GLIS3: variants seen among roughly 807,000 people sequenced by gnomAD.
GLIS3 encodes GLIS family zinc finger 3.
In GLIS3, 53 loss-of-function variants were observed where a neutral mutation model predicts 78.6. That is an observed-to-expected ratio of 0.67 (90% CI 0.54 to 0.85). GLIS3 has a LOEUF of 0.85. Among genes scored for constraint, GLIS3 ranks in the 40% least tolerant of loss-of-function variants. GLIS3 has a pLI of 0.00. For synonymous variants in GLIS3, 684 were observed against 509.9 expected, an observed-to-expected ratio of 1.34 and a Z score of -4.60; for missense variants, 1,703 against 1,231.1, an observed-to-expected ratio of 1.38 and a Z score of -5.74.
chr9:4,410,351 C>G, the GLIS3 span, among the ~76,000 whole-genome samples: 2 of 152,068 alleles, frequency 1.3e-5, no homozygotes, highest in South Asian at 2.1e-4. Flanking sequence ...GTTGTTTTTT[C>G]TCTTTAGCAT....
Position 4,286,181 on chromosome 9 carries a change from G to A in GLIS3, c.245C>T (p.Pro82Leu), listed in dbSNP as rs1411928752. ...CATTTGTCTCCTGGGGCTTAAGGCA[G>A]GCAGATGGATGCGGCTCTCAGCCAC... ...NNVAESRIHL[P>L]ALSPRRQMLT... Residue 82 changes from proline (P) to leucine (L), a missense_variant, in exon 2 of 11, where the codon CCT becomes CTT. Coordinates refer to ENST00000381971, the MANE Select transcript of GLIS3 (RefSeq NM_001042413.2). 2 of 1,614,120 alleles carry A rather than the reference G, an allele frequency of 1.2e-6. No homozygotes were observed. The highest frequency in any genetic ancestry group is 2.2e-5 in the East Asian group (1 of 44,892).
intron 9 of GLIS3, among the ~76,000 whole-genome samples, chr9:3,837,131 C>G (rs1588055927): frequency 6.6e-6 from 1 of 152,226 alleles, no homozygotes; most frequent in South Asian, 2.1e-4. Context: ...ACCAAAGGCA[C>G]TGACCTACGA....
At chr9:4,312,890 GT>G (rs1314167599) in intron 2 of GLIS3, among the ~76,000 whole-genome samples, 3 of 152,174 alleles carry the variant, frequency 2.0e-5, no homozygotes, top group South Asian at 4.1e-4. Context: ...ACATATATTA[GT>G]TCATTTAATC....
upstream of GLIS3, among the ~76,000 whole-genome samples, chr9:4,352,746 T>C (rs764089776): frequency 6.6e-6 from 1 of 152,256 alleles, no homozygotes; most frequent in Non-Finnish European, 1.5e-5. Context: ...TGCTGGCTCT[T>C]GGCAACAATA....
intron 7 of GLIS3, among the ~76,000 whole-genome samples, chr9:3,896,246 AT>A (rs909687896): frequency 6.6e-6 from 1 of 152,084 alleles, no homozygotes; most frequent in Non-Finnish European, 1.5e-5. Flanking sequence ...TTGTTTTGTA[AT>A]TTTTTCCCCT....
chr9:4,400,856 T>C, the GLIS3 span, among the ~76,000 whole-genome samples: 2 of 152,160 alleles, frequency 1.3e-5, no homozygotes, highest in Non-Finnish European at 2.9e-5. Context: ...GACTCAGTCT[T>C]GACAGGATTC....
At chr9:4,399,009 T>A in the GLIS3 span, among the ~76,000 whole-genome samples, 9 of 152,324 alleles carry the variant, frequency 5.9e-5, no homozygotes, top group Admixed American at 3.3e-4. Context: ...TAGATTCCTT[T>A]GTTTTCTGCT....
At chr9:4,261,114 G>C (rs1454302438) in intron 2 of GLIS3, among the ~76,000 whole-genome samples, 1 of 152,170 alleles carries the variant, frequency 6.6e-6, no homozygotes, top group South Asian at 2.1e-4. Context: ...TGGCGTTCCA[G>C]AAAACTGACT....
chr9:3,866,622 C>T (rs1239591715), intron 8 of GLIS3, among the ~76,000 whole-genome samples: 2 of 152,060 alleles, frequency 1.3e-5, no homozygotes, highest in African/African-American at 4.8e-5. Context: ...GTGCAGAGTC[C>T]CCAAGGCAAG....
the GLIS3 span, among the ~76,000 whole-genome samples, chr9:4,439,392 G>C: frequency 6.6e-6 from 1 of 152,090 alleles, no homozygotes; most frequent in African/African-American, 2.4e-5. Flanking sequence ...ACAACCATTA[G>C]CAGTAATTTC....
the GLIS3 span, among the ~76,000 whole-genome samples, chr9:4,389,735 A>G: frequency 1.3e-5 from 2 of 152,248 alleles, no homozygotes; most frequent in East Asian, 1.9e-4. Context: ...GGCACCGCAT[A>G]CAGACATACA....
At chr9:4,141,996 C>G (rs1337859458) in intron 2 of GLIS3, among the ~76,000 whole-genome samples, 1 of 152,216 alleles carries the variant, frequency 6.6e-6, no homozygotes, top group Non-Finnish European at 1.5e-5. Flanking sequence ...ACTTTCATCT[C>G]TGCACCTTGT....
At chr9:3,933,444 C>T (rs1825732956) in intron 5 of GLIS3, among the ~76,000 whole-genome samples, 1 of 152,184 alleles carries the variant, frequency 6.6e-6, no homozygotes. Context: ...TGTTATGACC[C>T]TTAAACTTAT....
At chr9:4,187,752 G>C (rs1040426951) in intron 2 of GLIS3, among the ~76,000 whole-genome samples, 7 of 152,064 alleles carry the variant, frequency 4.6e-5, no homozygotes, top group African/African-American at 1.4e-4. Flanking sequence ...TATTCTCTTT[G>C]AAGCAACTGT....
intron 2 of GLIS3, among the ~76,000 whole-genome samples, chr9:4,189,895 C>T (rs768403655): frequency 2.6e-5 from 4 of 151,994 alleles, no homozygotes; most frequent in African/African-American, 4.8e-5. Flanking sequence ...TGTGTCTGCA[C>T]GTGTGCTGCT....
At chr9:4,385,843 C>T in the GLIS3 span, among the ~76,000 whole-genome samples, 4 of 150,808 alleles carry the variant, frequency 2.7e-5, no homozygotes, top group South Asian at 2.1e-4. Context: ...GAAAAAATGC[C>T]GTTCTTTTTC....
chr9:4,444,195 T>A, the GLIS3 span, among the ~76,000 whole-genome samples: 2 of 152,194 alleles, frequency 1.3e-5, no homozygotes, highest in Non-Finnish European at 2.9e-5. Context: ...CTTGTACCAA[T>A]CAGCATAAAA....
chr9:4,305,719 G>C (rs1457225299), intron 4 of GLIS3: 1 of 150,454 alleles, frequency 6.6e-6, no homozygotes, highest in South Asian at 2.1e-4. Context: ...TCTTTCTAGA[G>C]AGCCACTGGA....
At chr9:4,175,784 C>T (rs1190037517) in intron 2 of GLIS3, among the ~76,000 whole-genome samples, 10 of 152,184 alleles carry the variant, frequency 6.6e-5, no homozygotes, top group Admixed American at 5.9e-4. Context: ...ACTCCTTTTA[C>T]ATCAATTCAT....
Sources: gnomAD v4.1 joint callset for allele counts (sites outside exome capture counted in the v4.1 genomes callset) on GRCh38, gnomAD v4.1.1 for gene constraint, MANE v1.5 for transcripts, NCBI Gene and HGNC (gene_info 2026-07-23, HGNC 2026-07-21) for gene names.